DSCAM: variants seen among roughly 807,000 people sequenced by gnomAD.
DSCAM encodes DS cell adhesion molecule, also known as cell adhesion molecule DSCAM.
In DSCAM, 47 loss-of-function variants were observed where a neutral mutation model predicts 217.7. The observed-to-expected ratio is 0.22, with a 90% confidence interval of 0.17 to 0.28. The LOEUF is 0.28. DSCAM is among the 10% of genes least tolerant of loss of function. The pLI is 1.00. For missense variants in DSCAM, 2,080 were observed against 2,618.3 expected, an observed-to-expected ratio of 0.79 and a Z score of 4.49; for synonymous variants, 1,056 against 1,015.3, an observed-to-expected ratio of 1.04 and a Z score of -0.76.
At chr21:40,360,296 C>A (rs1239348734) in intron 4 of DSCAM, among the ~76,000 whole-genome samples, 1 of 151,828 alleles carries the variant, frequency 6.6e-6, no homozygotes, top group Non-Finnish European at 1.5e-5. Context: ...CCACGCCCGG[C>A]TAATTTTTTT....
chr21:40,681,054 A>G (rs910174578), intron 3 of DSCAM, among the ~76,000 whole-genome samples: 2 of 152,240 alleles, frequency 1.3e-5, no homozygotes, highest in African/African-American at 4.8e-5. Context: ...TTGATTTTGT[A>G]ATCAAGGGTA....
chr21:40,294,591 A>C lies in DSCAM; in HGVS notation c.2182+1464T>G, dbSNP rs565665933. 6.3e-4 allele frequency among the ~76,000 whole-genome samples: 96 copies of C among 152,342 alleles called. No homozygotes were observed. In the South Asian group the frequency reaches 8.7e-3, roughly 14 times the overall value. The stretch of plus-strand genomic sequence containing the variant: ...ACATACAGGAGTGTTCATTTGCTGG[A>C]GTGTTTATGAGAGTGAAAACTGTAA... On this transcript the variant is annotated intron_variant, in intron 10 of 32. Coordinates refer to ENST00000400454, the MANE Select transcript of DSCAM (RefSeq NM_001389.5).
intron 11 of DSCAM, among the ~76,000 whole-genome samples, chr21:40,216,748 G>T (rs1431374792): frequency 6.6e-6 from 1 of 152,184 alleles, no homozygotes; most frequent in Non-Finnish European, 1.5e-5. Context: ...GTAAGGCCAG[G>T]AGGCCCCTCC....
chr21:40,566,707 GA>G (rs543711508), intron 3 of DSCAM, among the ~76,000 whole-genome samples: 2 of 151,930 alleles, frequency 1.3e-5, no homozygotes, highest in Admixed American at 6.5e-5. Context: ...ACATTTCTTT[GA>G]AAAAAAGTCT....
At chr21:40,152,541 C>A (rs73362149) in intron 16 of DSCAM, among the ~76,000 whole-genome samples, 18,038 of 152,156 alleles carry the variant, frequency 0.12, 1,468 homozygotes, top group African/African-American at 0.22. Context: ...TAGTCCTCCT[C>A]AACAGCCTCC....
intron 1 of DSCAM, among the ~76,000 whole-genome samples, chr21:40,841,290 T>A (rs1431964143): frequency 1.3e-5 from 2 of 152,134 alleles, no homozygotes; most frequent in Non-Finnish European, 1.5e-5. Context: ...AAAACATCCG[T>A]GTGCTCCACC....
At chr21:40,217,723 A>G (rs113707905) in intron 11 of DSCAM, among the ~76,000 whole-genome samples, 3 of 152,176 alleles carry the variant, frequency 2.0e-5, no homozygotes, top group Admixed American at 6.5e-5. Context: ...GTGTGAGATG[A>G]TATCTCATTG....
intron 3 of DSCAM, among the ~76,000 whole-genome samples, chr21:40,600,543 A>G (rs2077054584): frequency 6.6e-6 from 1 of 152,100 alleles, no homozygotes; most frequent in South Asian, 2.1e-4. Context: ...CAACTTATTA[A>G]TTTGTCCTTT....
chr21:40,363,999 A>C (rs1317656677), intron 4 of DSCAM, among the ~76,000 whole-genome samples: 1 of 152,228 alleles, frequency 6.6e-6, no homozygotes, highest in Non-Finnish European at 1.5e-5. Flanking sequence ...CACCAGTTAG[A>C]ATGGTGATCA....
At chr21:40,681,765 T>C (rs2090403363) in intron 3 of DSCAM, among the ~76,000 whole-genome samples, 1 of 152,114 alleles carries the variant, frequency 6.6e-6, no homozygotes, top group African/African-American at 2.4e-5. Flanking sequence ...CCAATATGAC[T>C]GTTGGCTTTA....
intron 3 of DSCAM, among the ~76,000 whole-genome samples, chr21:40,499,413 C>A (rs895908583): frequency 4.6e-5 from 7 of 152,134 alleles, no homozygotes; most frequent in Non-Finnish European, 8.8e-5. Context: ...AACAAAAAAA[C>A]CAAAACTCTA....
At chr21:40,643,348 A>G (rs1476458309) in intron 3 of DSCAM, among the ~76,000 whole-genome samples, 1 of 152,166 alleles carries the variant, frequency 6.6e-6, no homozygotes, top group African/African-American at 2.4e-5. Flanking sequence ...CCTGTTTGAG[A>G]ACAGAAATTT....
At chr21:40,790,758 G>T (rs866412056) in intron 1 of DSCAM, among the ~76,000 whole-genome samples, 3 of 152,112 alleles carry the variant, frequency 2.0e-5, no homozygotes, top group Non-Finnish European at 4.4e-5. Flanking sequence ...AAATAAATAA[G>T]AATTTGTAAC....
chr21:40,563,670 AT>A (rs1315302312), intron 3 of DSCAM, among the ~76,000 whole-genome samples: 11 of 126,674 alleles, frequency 8.7e-5, no homozygotes, highest in African/African-American at 3.5e-4. Flanking sequence ...TTGTTTATAT[AT>A]ATGTTTATAT....
chr21:40,039,513 A>C (rs2088702898), intron 32 of DSCAM, among the ~76,000 whole-genome samples: 1 of 152,232 alleles, frequency 6.6e-6, no homozygotes. Context: ...AATGTGCCAG[A>C]CACAGTCTGG....
chr21:40,826,159 G>A (rs1456355176), intron 1 of DSCAM, among the ~76,000 whole-genome samples: 1 of 152,338 alleles, frequency 6.6e-6, no homozygotes, highest in African/African-American at 2.4e-5. Flanking sequence ...CAATCAAGGA[G>A]GCCACTTTGT....
At chr21:40,786,172 G>A (rs1044115973) in intron 1 of DSCAM, among the ~76,000 whole-genome samples, 1 of 152,088 alleles carries the variant, frequency 6.6e-6, no homozygotes, top group Non-Finnish European at 1.5e-5. Flanking sequence ...GGAGGCGGAG[G>A]TTGTGGTGAG....
intron 14 of DSCAM, 90 bp from the exon 15 acceptor site, chr21:40,179,184 C>CAAAAAAAAAACA (rs2090770333): frequency 1.0e-5 from 1 of 100,432 alleles, no homozygotes; most frequent in African/African-American, 5.5e-5. Context: ...AATTAAAAAC[C>CAAAAAAAAAACA]AAAAAAAAAA....
At chr21:40,077,133 C>T (rs399620) in intron 26 of DSCAM, among the ~76,000 whole-genome samples, 96,160 of 151,888 alleles carry the variant, frequency 0.63, 30,583 homozygotes, top group South Asian at 0.83. Flanking sequence ...GAAAAGTTGT[C>T]GTCTGGGAGG....
Sources: gnomAD v4.1 joint callset for allele counts (sites outside exome capture counted in the v4.1 genomes callset) on GRCh38, gnomAD v4.1.1 for gene constraint, MANE v1.5 for transcripts, NCBI Gene and HGNC (gene_info 2026-07-23, HGNC 2026-07-21) for gene names.